Variants in FUT8 observed in about 807,000 individuals in gnomAD.
FUT8 encodes the protein alpha-(1,6)-fucosyltransferase.
FUT8 carries 29 observed loss-of-function variants against 71.3 expected under a neutral mutation model. That is an observed-to-expected ratio of 0.41 (90% CI 0.30 to 0.55). FUT8 has a LOEUF of 0.55. Ranked by LOEUF, FUT8 falls within the 20% of genes least tolerant of loss-of-function variation. The pLI, the probability that FUT8 is intolerant of heterozygous loss-of-function variation, is 0.34. For synonymous variants in FUT8, 254 were observed against 239.3 expected (o/e 1.06, Z -0.57); for missense variants, 544 against 702.1 (o/e 0.77, Z 2.55).
chr14:65,383,265 C>CTTTTTTTTCTTTTTTTTTTTTT, the FUT8 span, among the ~76,000 whole-genome samples: 30 of 86,534 alleles, frequency 3.5e-4, no homozygotes, highest in South Asian at 1.4e-3. Flanking sequence ...TTTTTCTTTT[C>CTTTTTTTTCTTTTTTTTTTTTT]TTTTTTTTTT....
chr14:65,454,270 T>C (rs1480876416), intron 1 of FUT8, among the ~76,000 whole-genome samples: 1 of 152,204 alleles, frequency 6.6e-6, no homozygotes, highest in Admixed American at 6.5e-5. Flanking sequence ...TGTATGTTTA[T>C]GGGCTTTGGG....
chr14:65,470,949 A>C (rs1382078008), intron 2 of FUT8, among the ~76,000 whole-genome samples: 1 of 151,942 alleles, frequency 6.6e-6, no homozygotes, highest in East Asian at 1.9e-4. Context: ...CACCGCCATC[A>C]CTATTAGAGG....
chr14:65,662,450 C>T (rs1351381496), intron 6 of FUT8, among the ~76,000 whole-genome samples: 1 of 152,080 alleles, frequency 6.6e-6, no homozygotes. Flanking sequence ...CCTGTTATAT[C>T]TTAAATCCTT....
chr14:65,713,327 A>G (rs1050369805), intron 7 of FUT8, among the ~76,000 whole-genome samples: 1 of 152,206 alleles, frequency 6.6e-6, no homozygotes, highest in African/African-American at 2.4e-5. Flanking sequence ...TTGCTTTCAA[A>G]TCTTGGCTAT....
In FUT8 at chr14:65,524,412, C is replaced by T. The variant is rs563547028; in HGVS notation, c.-227-36925C>T. Among the ~76,000 whole-genome samples, 10 of 152,218 alleles carry T rather than the reference C, an allele frequency of 6.6e-5. No homozygotes were observed. The South Asian group carries it at 1.0e-3, about 16-fold the overall frequency. ...TGTGTAAGAATGCTTGTGATTTTTG[C>T]ACATTGATTTTGTATCCTGAGACTT... On this transcript the variant is annotated intron_variant, in intron 2 of 10. Coordinates refer to ENST00000673929, the MANE Select transcript of FUT8 (RefSeq NM_001371533.1).
chr14:65,436,106 T>C (rs909095301), intron 1 of FUT8, among the ~76,000 whole-genome samples: 1 of 151,838 alleles, frequency 6.6e-6, no homozygotes, highest in Non-Finnish European at 1.5e-5. Context: ...AGTTTTTAAT[T>C]TTTTTGTAGA....
chr14:65,379,937 C>G, the FUT8 span, among the ~76,000 whole-genome samples: 4 of 152,208 alleles, frequency 2.6e-5, no homozygotes, highest in Admixed American at 1.3e-4. Context: ...TTCCCTAGCC[C>G]TTTTATAAGG....
Position 65,590,691 on chromosome 14 carries a change from A to G in FUT8, c.204-25287A>G, listed in dbSNP as rs551645876. Among the ~76,000 whole-genome samples the G allele has an allele frequency of 3.0e-4, 45 of 152,320 alleles. 1 individual carries two copies. The South Asian group carries it at 9.3e-3, about 32-fold the overall frequency. ...ATAAAGGGTTCTAAAACACTACCACATAACTTAAGGGTTCAGTAACTCAGA... is the reference window on the plus strand; with the variant it reads ...ATAAAGGGTTCTAAAACACTACCACGTAACTTAAGGGTTCAGTAACTCAGA... On this transcript the variant is annotated intron_variant, in intron 3 of 10. Transcript: ENST00000673929.
At chr14:65,578,375 C>T (rs537119875) in intron 3 of FUT8, among the ~76,000 whole-genome samples, 3 of 152,088 alleles carry the variant, frequency 2.0e-5, no homozygotes, top group East Asian at 1.9e-4. Context: ...CTATTTCTTA[C>T]GTTTCTTTCA....
At chr14:65,454,047 T>TTCA (rs1156868186) in intron 1 of FUT8, among the ~76,000 whole-genome samples, 2 of 152,216 alleles carry the variant, frequency 1.3e-5, no homozygotes, top group African/African-American at 4.8e-5. Flanking sequence ...CTAATTGTTG[T>TTCA]TCACTATCTG....
chr14:65,459,757 A>C (rs2065945214), intron 2 of FUT8, among the ~76,000 whole-genome samples: 1 of 152,176 alleles, frequency 6.6e-6, no homozygotes, highest in Admixed American at 6.5e-5. Context: ...AAAGTTTAAA[A>C]CTGCTAGTCT....
At chr14:65,594,226 G>A (rs905845940) in intron 3 of FUT8, among the ~76,000 whole-genome samples, 1 of 152,164 alleles carries the variant, frequency 6.6e-6, no homozygotes, top group African/African-American at 2.4e-5. Context: ...GAACCCAACT[G>A]CAGGAACTGG....
chr14:65,455,098 A>G (rs1022028710), intron 1 of FUT8, among the ~76,000 whole-genome samples: 1 of 152,222 alleles, frequency 6.6e-6, no homozygotes, highest in African/African-American at 2.4e-5. Context: ...AAAAAAAGGA[A>G]TGTTGTATTG....
rs34809476 is a variant in FUT8 at position 65,508,491 on chromosome 14, G to GTTTTTTTT, written c.-228+52792_-228+52799dup. Among the ~76,000 whole-genome samples the GTTTTTTTT allele has an allele frequency of 3.4e-4, 16 of 46,498 alleles. 5 individuals carry two copies. Among genetic ancestry groups the GTTTTTTTT allele is most frequent in the East Asian group, 2.0e-3 (2 of 996 alleles). The allele number at this position is 46,498 out of a possible 152,430, so 30.5% of individuals were successfully genotyped here. Reference sequence around the variant, plus strand: ...AATTTTTTCCTGTAGAGTTGTTTGAGTTTTTTTTTTTTTTTTTTTTTTTTT... The same window carrying GTTTTTTTT: ...AATTTTTTCCTGTAGAGTTGTTTGAGTTTTTTTTTTTTTTTTTTTTTTTTTTTTTTTTT... On this transcript the variant is annotated intron_variant, in intron 2 of 10. Coordinates refer to ENST00000673929, the MANE Select transcript of FUT8 (RefSeq NM_001371533.1).
At position 65,611,301 on chromosome 14, in the gene FUT8, ACC is replaced by A. The variant is rs145798842; in HGVS notation, c.204-4672_204-4671del. ...CACACACACACACACACACACACAC[ACC>A]CCCCAAGTAATAGCCTTGATTTTGC... On this transcript the variant is annotated intron_variant, in intron 3 of 10. Transcript: ENST00000673929. Among the ~76,000 whole-genome samples the A allele has an allele frequency of 2.7e-3, 103 of 38,626 alleles. 23 individuals carry two copies. Among genetic ancestry groups the A allele is most frequent in the African/African-American group, 0.012 (90 of 7,314 alleles). The allele number at this position is 38,626 out of a possible 152,430, so 25.3% of individuals were successfully genotyped here.
intron 6 of FUT8, among the ~76,000 whole-genome samples, chr14:65,659,083 TAC>T (rs1891834071): frequency 6.6e-6 from 1 of 152,016 alleles, no homozygotes; most frequent in Non-Finnish European, 1.5e-5. Flanking sequence ...AGTAAAAAAA[TAC>T]AGTGTTAAAA....
At chr14:65,681,464 G>A (rs1184461651) in intron 7 of FUT8, among the ~76,000 whole-genome samples, 1 of 151,988 alleles carries the variant, frequency 6.6e-6, no homozygotes, top group Non-Finnish European at 1.5e-5. Flanking sequence ...GCTTTATTAT[G>A]GTGGAACTTT....
intron 7 of FUT8, among the ~76,000 whole-genome samples, chr14:65,680,131 G>C (rs186796717): frequency 6.6e-4 from 101 of 152,252 alleles, no homozygotes; most frequent in African/African-American, 2.3e-3. Context: ...GAAGTTCCAC[G>C]ATCTGCCATC....
the FUT8 span, among the ~76,000 whole-genome samples, chr14:65,392,488 CT>C: frequency 6.6e-6 from 1 of 152,176 alleles, no homozygotes; most frequent in South Asian, 2.1e-4. Context: ...TTTAAAATTT[CT>C]GGTGCTGTTG....
Sources: allele counts gnomAD v4.1 joint callset (sites outside exome capture counted in the v4.1 genomes callset), GRCh38; gene constraint gnomAD v4.1.1; transcripts MANE v1.5; gene names NCBI Gene and HGNC (gene_info 2026-07-23, HGNC 2026-07-21).